SLC11A2: variants seen among roughly 807,000 people sequenced by gnomAD.
SLC11A2 encodes solute carrier family 11 member 2, also known as natural resistance-associated macrophage protein 2.
Under a neutral mutation model 68.0 loss-of-function variants are expected in SLC11A2, and 38 were observed. The ratio of observed to expected loss-of-function variants is 0.56; its 90% CI spans 0.43 to 0.73. The LOEUF (loss-of-function observed/expected upper bound fraction) is 0.73, where lower values mean the gene tolerates loss of function less well. Among genes scored for constraint, SLC11A2 ranks in the 30% least tolerant of loss-of-function variants. The pLI, the probability that SLC11A2 is intolerant of heterozygous loss-of-function variation, is 0.00. For missense variants in SLC11A2, 517 were observed against 690.5 expected (o/e 0.75, Z 2.82); for synonymous variants, 242 against 250.6 (o/e 0.97, Z 0.32).
At chr12:50,995,993 C>A (rs192158503) in intron 9 of SLC11A2, among the ~76,000 whole-genome samples, 134 of 152,270 alleles carry the variant, frequency 8.8e-4, no homozygotes, top group African/African-American at 3.1e-3. Context: ...CATGCCCTTT[C>A]GTTGAACTGT....
intron 1 of SLC11A2, among the ~76,000 whole-genome samples, chr12:51,015,416 A>G (rs556838958): frequency 1.6e-3 from 238 of 144,448 alleles, no homozygotes; most frequent in Non-Finnish European, 2.9e-3. Context: ...TGGAGGTTGC[A>G]GTGAGCTGAG....
downstream of SLC11A2, among the ~76,000 whole-genome samples, chr12:50,983,612 C>CAGAT (rs976134390): frequency 6.6e-6 from 1 of 151,954 alleles, no homozygotes; most frequent in African/African-American, 2.4e-5. Flanking sequence ...CCGAGGCAGG[C>CAGAT]AGATCACTTG....
At chr12:51,021,803 G>T (rs369764856) in intron 1 of SLC11A2, among the ~76,000 whole-genome samples, 10 of 152,080 alleles carry the variant, frequency 6.6e-5, no homozygotes, top group African/African-American at 1.7e-4. Flanking sequence ...AGAAGAGGAG[G>T]GGGGAGGAAG....
chr12:51,008,225 GAT>G (rs1405922530), intron 3 of SLC11A2: 5 of 283,072 alleles, frequency 1.8e-5, no homozygotes, highest in African/African-American at 1.3e-4. Flanking sequence ...TAGATAGACA[GAT>G]AGATAGATAG....
chr12:50,976,175 C>A (rs1341391301), downstream of SLC11A2, among the ~76,000 whole-genome samples: 1 of 152,178 alleles, frequency 6.6e-6, no homozygotes, highest in Non-Finnish European at 1.5e-5. Context: ...CAAAGCCTAG[C>A]AGAGACACAA....
chr12:50,985,225 G>C (rs912179661), downstream of SLC11A2, among the ~76,000 whole-genome samples: 1 of 152,146 alleles, frequency 6.6e-6, no homozygotes, highest in East Asian at 1.9e-4. Flanking sequence ...GTATTCCAGA[G>C]GGCAGAGCTA....
rs1941643645 is a variant in SLC11A2, at chr12:50,995,754, C to T, written c.865G>A (p.Val289Ile). The T allele has an allele frequency of 6.2e-7, 1 of 1,614,150 alleles. No homozygotes were observed. Among genetic ancestry groups the T allele is most frequent in the Admixed American group, 1.7e-5 (1 of 60,022 alleles). ...RQVNRNNKQE[V>I]REANKYFFIE... is the part of the protein sequence containing the mutation. The stretch of plus-strand genomic sequence containing the variant: ...AAAAAGTACTTATTGGCTTCTCGAA[C>T]TTCCTGCTTATTGTTCCGGTTTACC... The change falls in exon 10 of 16, where the codon GTT becomes ATT. Residue 289 changes from valine to isoleucine, a missense_variant. Val to Ile is a conservative substitution (Grantham distance 29). Transcript: ENST00000262052.
At chr12:51,016,345 G>C (rs935623198) in intron 1 of SLC11A2, among the ~76,000 whole-genome samples, 1 of 151,606 alleles carries the variant, frequency 6.6e-6, no homozygotes, top group East Asian at 2.0e-4. Flanking sequence ...TCAGGAGTTC[G>C]AGACCAGCCT....
downstream of SLC11A2, among the ~76,000 whole-genome samples, chr12:50,984,822 A>G (rs1358309347): frequency 6.6e-6 from 1 of 152,216 alleles, no homozygotes; most frequent in Admixed American, 6.5e-5. Context: ...CACTAATCAG[A>G]GTATGAAACA....
chr12:50,961,236 C>T, the SLC11A2 span: 7 of 943,334 alleles, frequency 7.4e-6, no homozygotes, highest in Non-Finnish European at 1.1e-5. Flanking sequence ...ACTGATCTTC[C>T]CTTAGTTGAG....
the SLC11A2 span, chr12:50,960,888 C>T: frequency 7.9e-7 from 1 of 1,261,876 alleles, no homozygotes; most frequent in South Asian, 1.7e-5. Context: ...CTATGTTGCC[C>T]AGGCTGTTTT....
chr12:50,995,964 G>C (rs2301529), intron 9 of SLC11A2, among the ~76,000 whole-genome samples, 177 bp from the exon 10 acceptor site: 3 of 152,100 alleles, frequency 2.0e-5, no homozygotes, highest in Admixed American at 6.5e-5. Context: ...ACTTCATATG[G>C]GGGGAGAAAA....
At chr12:51,014,844 C>T (rs937395362) in intron 1 of SLC11A2, among the ~76,000 whole-genome samples, 7 of 151,860 alleles carry the variant, frequency 4.6e-5, no homozygotes, top group African/African-American at 1.7e-4. Flanking sequence ...CAGAGTAAAA[C>T]TCTGTCTCAA....
downstream of SLC11A2, chr12:50,980,925 A>G (rs1026926738): frequency 6.6e-6 from 1 of 152,232 alleles, no homozygotes; most frequent in Non-Finnish European, 1.5e-5. Flanking sequence ...GAATGAGCTG[A>G]GTTACAATGC....
At chr12:51,026,708 C>T (rs1195499830), upstream of SLC11A2, among the ~76,000 whole-genome samples, 2 of 152,136 alleles carry the variant, frequency 1.3e-5, no homozygotes, top group African/African-American at 4.8e-5. Flanking sequence ...TACTGACAAT[C>T]AAGCTACGAG....
the SLC11A2 span, among the ~76,000 whole-genome samples, chr12:50,960,008 A>T: frequency 6.6e-6 from 1 of 152,142 alleles, no homozygotes; most frequent in Non-Finnish European, 1.5e-5. Context: ...AGTGTTTTAA[A>T]TCTTTTTCTA....
At chr12:51,015,409 A>G (rs1240168951) in intron 1 of SLC11A2, among the ~76,000 whole-genome samples, 3 of 151,048 alleles carry the variant, frequency 2.0e-5, no homozygotes, top group Admixed American at 6.6e-5. Context: ...TGGGAGGTGG[A>G]GGTTGCAGTG....
downstream of SLC11A2, among the ~76,000 whole-genome samples, chr12:50,974,805 CA>C (rs1565966416): frequency 6.6e-6 from 1 of 151,998 alleles, no homozygotes; most frequent in African/African-American, 2.4e-5. Context: ...ATCTACCAAG[CA>C]AATGGAAAAC....
rs770707858 is a variant in SLC11A2 at position 50,995,661 on chromosome 12, C to T, written c.958G>A (p.Glu320Lys). ...TCGTTGGTTTTCCCAAAAAATGCTTCAGCAAAGACTGAGACAACAAAGACA... is the reference window on the plus strand; with the variant it reads ...TCGTTGGTTTTCCCAAAAAATGCTTTAGCAAAGACTGAGACAACAAAGACA... ...INVFVVSVFA[E>K]AFFGKTNEQV... The change falls in exon 10 of 16, where the codon GAA becomes AAA. Residue 320 changes from glutamate to lysine, a missense_variant. Physicochemically the swap from Glu to Lys is moderately conservative, Grantham distance 56. Transcript: ENST00000262052. 12 of 1,614,058 alleles carry T rather than the reference C, an allele frequency of 7.4e-6. No individual in the cohort carries two copies. The highest frequency in any genetic ancestry group is 1.0e-5 in the Non-Finnish European group (12 of 1,180,030).
Sources: allele counts gnomAD v4.1 joint callset (sites outside exome capture counted in the v4.1 genomes callset), GRCh38; gene constraint gnomAD v4.1.1; transcripts MANE v1.5; gene names NCBI Gene and HGNC (gene_info 2026-07-23, HGNC 2026-07-21).